COMMD8: variants seen among roughly 807,000 people sequenced by gnomAD.
The protein encoded by COMMD8 is COMM domain-containing protein 8.
COMMD8 carries 28 observed loss-of-function variants against 27.2 expected under a neutral mutation model. That is an observed-to-expected ratio of 1.03 (90% CI 0.76 to 1.41). The LOEUF (loss-of-function observed/expected upper bound fraction) is 1.41, where lower values mean the gene tolerates loss of function less well. Ranked by LOEUF, COMMD8 falls within the 40% of genes most tolerant of loss-of-function variation. COMMD8 has a pLI of 0.00. For missense variants in COMMD8, 217 were observed against 211.2 expected, an observed-to-expected ratio of 1.03 and a Z score of -0.17; for synonymous variants, 79 against 75.5, an observed-to-expected ratio of 1.05 and a Z score of -0.24.
intron 1 of COMMD8, among the ~76,000 whole-genome samples, chr4:47,463,237 C>A (rs529197958): frequency 6.6e-6 from 1 of 152,340 alleles, no homozygotes; most frequent in South Asian, 2.1e-4. Flanking sequence ...AGCTCTGTAC[C>A]TGCTGTCCGG....
rs1347856177 is a variant in COMMD8, at chr4:47,451,453, C to T, written c.*192G>A. On this transcript the variant is annotated 3_prime_UTR_variant, in exon 5 of 5. Transcript: ENST00000381571. ...TAGATTTTTCATCTTTCATTTTATGCATTTCCTCTCAACCATGTAATTTCC... is the reference window on the plus strand; with the variant it reads ...TAGATTTTTCATCTTTCATTTTATGTATTTCCTCTCAACCATGTAATTTCC... The T allele has an allele frequency of 8.1e-6, 4 of 496,378 alleles. No individual in the cohort carries two copies. The highest frequency in any genetic ancestry group is 2.1e-5 in the African/African-American group (1 of 48,726). 30.7% of individuals were successfully genotyped at this position (496,378 alleles called of 1,614,324 possible).
intron 3 of COMMD8, among the ~76,000 whole-genome samples, chr4:47,455,799 G>A (rs973550799): frequency 6.6e-6 from 1 of 152,066 alleles, no homozygotes; most frequent in Non-Finnish European, 1.5e-5. Flanking sequence ...CAAAAAGTTG[G>A]TCTGAAATTC....
chr4:47,459,598 A>G (rs183746568), intron 2 of COMMD8, among the ~76,000 whole-genome samples: 2 of 152,200 alleles, frequency 1.3e-5, no homozygotes, highest in African/African-American at 4.8e-5. Flanking sequence ...AACTAGATCC[A>G]TGTTTATCAA....
intron 4 of COMMD8, among the ~76,000 whole-genome samples, 164 bp downstream of exon 4, chr4:47,452,895 C>T (rs1729787659): frequency 6.6e-6 from 1 of 152,156 alleles, no homozygotes; most frequent in African/African-American, 2.4e-5. Flanking sequence ...AGTCTGGAGG[C>T]TCAGGCACGA....
chr4:47,454,168 G>A (rs1345324350), intron 3 of COMMD8, among the ~76,000 whole-genome samples: 1 of 152,176 alleles, frequency 6.6e-6, no homozygotes, highest in African/African-American at 2.4e-5. Context: ...GATGATGCAT[G>A]TGCTACCTTG....
intron 2 of COMMD8, among the ~76,000 whole-genome samples, chr4:47,458,460 A>C (rs1729944867): frequency 6.6e-6 from 1 of 152,108 alleles, no homozygotes; most frequent in African/African-American, 2.4e-5. Flanking sequence ...AAGATCAAAA[A>C]CATCATTTAC....
intron 2 of COMMD8, chr4:47,459,905 A>G (rs1729980532): frequency 2.9e-6 from 1 of 349,608 alleles, no homozygotes; most frequent in Non-Finnish European, 5.1e-6. Context: ...ATGTGAATGT[A>G]GGTGTCAGTT....
intron 2 of COMMD8, 82 bp downstream of exon 2, chr4:47,460,062 G>C (rs1729983946): frequency 9.0e-7 from 1 of 1,106,572 alleles, no homozygotes; most frequent in Admixed American, 2.1e-5. Context: ...GATAGCCCTT[G>C]TATTATACAT....
chr4:47,463,516 G>T (rs1288457154), intron 1 of COMMD8, 70 bp downstream of exon 1: 1 of 1,453,292 alleles, frequency 6.9e-7, no homozygotes, highest in Non-Finnish European at 9.3e-7. Context: ...GGTCGCACCC[G>T]GCCTGATCCG....
At chr4:47,455,263 G>A (rs28437469) in intron 3 of COMMD8, among the ~76,000 whole-genome samples, 6,608 of 152,134 alleles carry the variant, frequency 0.043, 460 homozygotes, top group African/African-American at 0.15. Context: ...TGATCCACCC[G>A]CCTTGGCTTC....
intron 1 of COMMD8, 120 bp from the exon 2 acceptor site, chr4:47,460,419 A>C (rs1264039666): frequency 1.3e-6 from 1 of 755,284 alleles, no homozygotes; most frequent in Non-Finnish European, 2.1e-6. Context: ...GCTTAAGTTA[A>C]AATGTATAAA....
intron 3 of COMMD8, among the ~76,000 whole-genome samples, chr4:47,454,469 G>C (rs1398622152): frequency 6.6e-6 from 1 of 152,138 alleles, no homozygotes; most frequent in South Asian, 2.1e-4. Flanking sequence ...AGTCCAATTT[G>C]CTTAAATATC....
At chr4:47,451,733 A>G in intron 4 of COMMD8, 68 bp from the exon 5 acceptor site, 1 of 1,259,900 alleles carries the variant, frequency 7.9e-7, no homozygotes, top group South Asian at 1.4e-5. Context: ...TCCATATTAA[A>G]TGCTTTGAAG....
chr4:47,460,542 G>A (rs1385424090), intron 1 of COMMD8, among the ~76,000 whole-genome samples: 1 of 151,916 alleles, frequency 6.6e-6, no homozygotes, highest in Non-Finnish European at 1.5e-5. Flanking sequence ...ATTACATAAT[G>A]AAAAAACTAA....
At position 47,453,202 on chromosome 4, in the gene COMMD8, T is replaced by C; in HGVS notation, c.388A>G (p.Ser130Gly). The C allele has an allele frequency of 6.2e-7, 1 of 1,613,684 alleles. No homozygotes were observed. The highest frequency in any genetic ancestry group is 1.1e-5 in the South Asian group (1 of 91,042). ...FDWQVKLALS[S>G]DKIAALRMPL... Reference sequence around the variant, plus strand: ...ATTCGTAATGCAGCAATCTTGTCACTGGAAAGTGCAAGCTGTTTAAAATCA... The same window carrying C: ...ATTCGTAATGCAGCAATCTTGTCACCGGAAAGTGCAAGCTGTTTAAAATCA... Residue 130 changes from serine (S) to glycine (G), a missense_variant, in exon 4 of 5, where the codon AGT becomes GGT. Transcript: ENST00000381571.
Position 47,461,194 on chromosome 4 carries a change from C to A in COMMD8, c.67-895G>T, listed in dbSNP as rs530302789. ...TATCACTAGTCCTCCTCCTCCAATTCATGCCTTCAGCATCTATTAACTGAG... is the reference window on the plus strand; with the variant it reads ...TATCACTAGTCCTCCTCCTCCAATTAATGCCTTCAGCATCTATTAACTGAG... On this transcript the variant is annotated intron_variant, in intron 1 of 4. Coordinates refer to ENST00000381571, the MANE Select transcript of COMMD8 (RefSeq NM_017845.5). Among the ~76,000 whole-genome samples the A allele has an allele frequency of 2.3e-3, 352 of 152,332 alleles. 2 individuals carry two copies. Among genetic ancestry groups the A allele is most frequent in the Non-Finnish European group, 4.3e-3 (295 of 68,026 alleles).
At position 47,463,669 on chromosome 4, in the gene COMMD8, G is replaced by A. The variant is rs562312455; in HGVS notation, c.-18C>T. 2,208 of 1,545,154 alleles carry A rather than the reference G, an allele frequency of 1.4e-3. 1 individual carries two copies. Among genetic ancestry groups the A allele is most frequent in the Non-Finnish European group, 1.8e-3 (2,028 of 1,144,280 alleles). On this transcript the variant is annotated 5_prime_UTR_variant, in exon 1 of 5. Coordinates refer to ENST00000381571, the MANE Select transcript of COMMD8 (RefSeq NM_017845.5). ...GGCTCCATCCCTGCGCGAAGCTGGGGCTTGGGTCACGTGTCAAGGCTGGCC... is the reference window on the plus strand; with the variant it reads ...GGCTCCATCCCTGCGCGAAGCTGGGACTTGGGTCACGTGTCAAGGCTGGCC...
chr4:47,463,575 C>T lies in COMMD8; in HGVS notation c.66+11G>A, dbSNP rs1730128416. The T allele has an allele frequency of 6.5e-7, 1 of 1,542,652 alleles. No individual in the cohort carries two copies. Among genetic ancestry groups the T allele is most frequent in the Non-Finnish European group, 8.7e-7 (1 of 1,145,636 alleles). ...AGGCCCCGCGCCGCTTCCCCCGGTA[C>T]CCGCCCTCACCTGCGGGCCCAGCTC... On this transcript the variant is annotated intron_variant, in intron 1 of 4. Transcript: ENST00000381571.
intron 3 of COMMD8, among the ~76,000 whole-genome samples, chr4:47,456,262 T>TTATATATATATATA (rs1553886649): frequency 1.2e-5 from 1 of 80,848 alleles, no homozygotes; most frequent in African/African-American, 4.1e-5. Flanking sequence ...AATAAATAAA[T>TTATATATATATATA]TATACATATA....
Sources: allele counts gnomAD v4.1 joint callset (sites outside exome capture counted in the v4.1 genomes callset), GRCh38; gene constraint gnomAD v4.1.1; transcripts MANE v1.5; gene names NCBI Gene and HGNC (gene_info 2026-07-23, HGNC 2026-07-21).